The following METTL9 variants were observed in gnomAD, a reference collection of about 807,000 sequenced individuals.
METTL9 encodes protein-L-histidine N-pros-methyltransferase.
METTL9 carries 10 observed loss-of-function variants against 36.0 expected under a neutral mutation model. The observed-to-expected ratio is 0.28, with a 90% CI of 0.17 to 0.47. The LOEUF is 0.47. Ranked by LOEUF, METTL9 falls within the 20% of genes least tolerant of loss-of-function variation. METTL9 has a pLI of 0.99. For missense variants in METTL9, 246 were observed against 383.5 expected (o/e 0.64, Z 3.00); for synonymous variants, 175 against 149.7 (o/e 1.17, Z -1.23).
intron 4 of METTL9, among the ~76,000 whole-genome samples, chr16:21,650,962 G>A (rs958111381): frequency 6.6e-6 from 1 of 152,220 alleles, no homozygotes; most frequent in African/African-American, 2.4e-5. Context: ...GGTGGCTCAT[G>A]CCTGTAATCC....
chr16:21,642,488 A>G (rs960803094), intron 4 of METTL9: 1 of 152,218 alleles, frequency 6.6e-6, no homozygotes, highest in African/African-American at 2.4e-5. Flanking sequence ...GAAACAAAGT[A>G]TCTGTTCTAT....
chr16:21,647,251 G>A (rs1245998686), intron 4 of METTL9: 1 of 1,614,060 alleles, frequency 6.2e-7, no homozygotes, highest in Admixed American at 1.7e-5. Flanking sequence ...TGTTTACAGT[G>A]AGGGAAACTT....
intron 1 of METTL9, among the ~76,000 whole-genome samples, chr16:21,606,065 G>A (rs1965278253): frequency 6.6e-6 from 1 of 152,000 alleles, no homozygotes; most frequent in South Asian, 2.1e-4. Flanking sequence ...ACACAGGTGC[G>A]GTGGCTCACG....
At chr16:21,616,742 T>C (rs761070107) in intron 2 of METTL9, among the ~76,000 whole-genome samples, 2 of 152,218 alleles carry the variant, frequency 1.3e-5, no homozygotes, top group African/African-American at 4.8e-5. Context: ...TTCCCTCTTT[T>C]CTCTAGTGTC....
intron 4 of METTL9, among the ~76,000 whole-genome samples, chr16:21,651,097 C>T (rs796187321): frequency 1.3e-5 from 2 of 152,232 alleles, no homozygotes; most frequent in African/African-American, 4.8e-5. Flanking sequence ...GTGGCAGATG[C>T]CTGTAGTCCC....
chr16:21,624,001 C>T (rs989500515), intron 3 of METTL9, among the ~76,000 whole-genome samples: 1 of 152,154 alleles, frequency 6.6e-6, no homozygotes, highest in African/African-American at 2.4e-5. Flanking sequence ...AATCTCCTGA[C>T]CTCATGATCC....
Position 21,612,435 on chromosome 16 carries a change from G to C in METTL9, c.166-210G>C, listed in dbSNP as rs551482494. 8 of 458,510 alleles carry C rather than the reference G, an allele frequency of 1.7e-5. 1 individual carries two copies. Among genetic ancestry groups the C allele is most frequent in the Admixed American group, 4.4e-5 (1 of 22,556 alleles). 28.4% of individuals were successfully genotyped at this position (458,510 alleles called of 1,614,324 possible). On this transcript the variant is annotated intron_variant, in intron 1 of 4. Transcript: ENST00000358154. ...TCTACCTACCTTGAGGGCTGTAAGA[G>C]AATTAAATGAGAAGTCATGTCTGAA... is the stretch of plus-strand genomic sequence containing the variant.
intron 4 of METTL9, among the ~76,000 whole-genome samples, chr16:21,651,593 G>A (rs1026229823): frequency 6.6e-6 from 1 of 151,984 alleles, no homozygotes; most frequent in African/African-American, 2.4e-5. Flanking sequence ...GAACCACCAC[G>A]CCCAGCCCAA....
In METTL9 at chr16:21,625,226, C is replaced by A; in HGVS notation, c.751+111C>A. 2.5e-6 allele frequency: 3 copies of A among 1,187,736 alleles called. No homozygotes were observed. The East Asian group carries it at 7.2e-5, about 28-fold the overall frequency. The allele number at this position is 1,187,736 out of a possible 1,614,324, so 73.6% of individuals were successfully genotyped here. ...GTCTAGTATGTCTTATAATAGCCTGCAGTTTAAAGTAATCCAGTTAATCCA... is the reference window on the plus strand; with the variant it reads ...GTCTAGTATGTCTTATAATAGCCTGAAGTTTAAAGTAATCCAGTTAATCCA... On this transcript the variant is annotated intron_variant, in intron 4 of 4. Transcript: ENST00000358154.
Position 21,655,077 on chromosome 16 carries a change from A to G in METTL9, c.752-150A>G, listed in dbSNP as rs954304659. On this transcript the variant is annotated intron_variant, in intron 4 of 4. Coordinates refer to ENST00000358154, the MANE Select transcript of METTL9 (RefSeq NM_016025.5). Reference sequence around the variant, plus strand: ...GTTCTTTATCTGCCCACCTGTCTCAAAGAGTACCTGGGAAGTACAAAAGAG... The same window carrying G: ...GTTCTTTATCTGCCCACCTGTCTCAGAGAGTACCTGGGAAGTACAAAAGAG... 6.0e-6 allele frequency: 4 copies of G among 671,114 alleles called. No individual in the cohort carries two copies. The African/African-American group carries it at 7.3e-5, about 12-fold the overall frequency. The allele number at this position is 671,114 out of a possible 1,614,324, so 41.6% of individuals were successfully genotyped here.
upstream of METTL9, chr16:21,599,396 C>A (rs1458411625): frequency 3.7e-6 from 4 of 1,075,212 alleles, no homozygotes; most frequent in South Asian, 3.6e-5. The surrounding 1 kb of genome is among the most constrained non-coding windows in gnomAD (Gnocchi z 4.4). Context: ...GCGCTCCGGG[C>A]GGATGCGCGC....
chr16:21,642,410 A>C (rs1160422733), intron 4 of METTL9: 2 of 152,244 alleles, frequency 1.3e-5, no homozygotes, highest in Non-Finnish European at 2.9e-5. Flanking sequence ...TTAAAAAATA[A>C]ATAAAAATAA....
rs374204275 is a variant in METTL9, at chr16:21,647,930, G to A, written c.752-7297G>A. On this transcript the variant is annotated intron_variant, in intron 4 of 4. Transcript: ENST00000358154. ...AGTGTGGTAACCTGTGTCCCCAGAC[G>A]AACGTTGCTGCCGCTGATGGAGCCT... 6.6e-5 allele frequency among the ~76,000 whole-genome samples: 10 copies of A among 152,308 alleles called. No homozygotes were observed. In the South Asian group the frequency reaches 1.0e-3, roughly 16 times the overall value.
rs1037367384 is a variant in METTL9 at position 21,657,388 on chromosome 16, A to C, written c.*1956A>C. ...ATTCCACTAGATGGCAGTGTTGCTT[A>C]CTGAGTGTCAATGGCTTTTTTCCCC... On this transcript the variant is annotated 3_prime_UTR_variant, in exon 5 of 5. Coordinates refer to ENST00000358154, the MANE Select transcript of METTL9 (RefSeq NM_016025.5). 3.3e-5 allele frequency: 5 copies of C among 152,136 alleles called. No individual in the cohort carries two copies. The highest frequency in any genetic ancestry group is 1.2e-4 in the African/African-American group (5 of 41,426). The allele number at this position is 152,136 out of a possible 1,614,324, so 9.4% of individuals were successfully genotyped here. A position where few individuals can be genotyped will look rare whatever the true frequency, so the allele number is the denominator to read the frequency against.
chr16:21,601,445 C>G (rs1965123670), intron 1 of METTL9, among the ~76,000 whole-genome samples: 2 of 152,128 alleles, frequency 1.3e-5, no homozygotes, highest in Admixed American at 1.3e-4. Context: ...ATGGTTGAGT[C>G]TCTTAGCTAT....
At chr16:21,616,855 T>C (rs1024401335) in intron 2 of METTL9, among the ~76,000 whole-genome samples, 1 of 152,186 alleles carries the variant, frequency 6.6e-6, no homozygotes, top group Admixed American at 6.5e-5. Flanking sequence ...GCTACTGTGG[T>C]CTGGCTGTGT....
chr16:21,628,458 C>A (rs1317839264), intron 4 of METTL9, among the ~76,000 whole-genome samples: 7 of 151,008 alleles, frequency 4.6e-5, no homozygotes, highest in African/African-American at 1.7e-4. Context: ...AAAAACAAAA[C>A]ACCCTCCCCT....
chr16:21,605,724 G>A (rs1182997113), intron 1 of METTL9, among the ~76,000 whole-genome samples: 1 of 152,038 alleles, frequency 6.6e-6, no homozygotes, highest in Non-Finnish European at 1.5e-5. Flanking sequence ...CTTTTTTTAA[G>A]GCTTAAAGTT....
chr16:21,655,704 A>G lies in METTL9; in HGVS notation c.*272A>G. ...GGTCACACTCCAATTATGATGGAAG[A>G]TATTTTTTATACTTAATTGCAGTAG... is the stretch of plus-strand genomic sequence containing the variant. On this transcript the variant is annotated 3_prime_UTR_variant, in exon 5 of 5. Coordinates refer to ENST00000358154, the MANE Select transcript of METTL9 (RefSeq NM_016025.5). The G allele has an allele frequency of 2.9e-6, 1 of 347,968 alleles. No homozygotes were observed. The highest frequency in any genetic ancestry group is 5.2e-6 in the Non-Finnish European group (1 of 190,910). 21.6% of individuals were successfully genotyped at this position (347,968 alleles called of 1,614,324 possible). A position where few individuals can be genotyped will look rare whatever the true frequency, so the allele number is the denominator to read the frequency against.
Sources: allele counts gnomAD v4.1 joint callset (sites outside exome capture counted in the v4.1 genomes callset), GRCh38; gene constraint gnomAD v4.1.1; non-coding constraint Gnocchi (gnomAD v3.1); transcripts MANE v1.5; gene names NCBI Gene and HGNC (gene_info 2026-07-23, HGNC 2026-07-21).